ARID1B: variants seen among roughly 807,000 people sequenced by gnomAD.
ARID1B encodes the protein AT-rich interaction domain 1B, also known as AT-rich interactive domain-containing protein 1B.
In ARID1B, 30 loss-of-function variants were observed where a neutral mutation model predicts 212.3. That is an observed-to-expected ratio of 0.14 (90% CI 0.11 to 0.19). The LOEUF (loss-of-function observed/expected upper bound fraction) is 0.19. ARID1B is among the 10% of genes least tolerant of loss of function. The pLI, the probability that ARID1B is intolerant of heterozygous loss-of-function variation, is 1.00. For synonymous variants in ARID1B, 1,402 were observed against 1,301.7 expected, an observed-to-expected ratio of 1.08 and a Z score of -1.66; for missense variants, 2,891 against 3,204.0, an observed-to-expected ratio of 0.90 and a Z score of 2.36.
intron 4 of ARID1B, among the ~76,000 whole-genome samples, chr6:157,082,472 A>G (rs1784700276): frequency 6.6e-6 from 1 of 152,214 alleles, no homozygotes; most frequent in Non-Finnish European, 1.5e-5. Context: ...ATTTCTGCTA[A>G]TCATAAGGAT....
chr6:156,935,674 T>TG, intron 4 of ARID1B, 98 bp downstream of exon 4: 1 of 1,128,726 alleles, frequency 8.9e-7, no homozygotes, highest in Non-Finnish European at 1.3e-6. Context: ...ATGACATGAT[T>TG]GAGAAGTTTC....
At chr6:156,784,451 T>G (rs1270773936) in intron 1 of ARID1B, among the ~76,000 whole-genome samples, 1 of 152,248 alleles carries the variant, frequency 6.6e-6, no homozygotes, top group Non-Finnish European at 1.5e-5. Flanking sequence ...TTGAGTGAAT[T>G]AATTCTGATC....
At chr6:156,785,290 G>A (rs1779557609) in intron 1 of ARID1B, among the ~76,000 whole-genome samples, 1 of 152,176 alleles carries the variant, frequency 6.6e-6, no homozygotes, top group African/African-American at 2.4e-5. Context: ...TCAGGTAGAT[G>A]GCAGCAGAAT....
At chr6:156,982,699 A>T (rs1777678808) in intron 4 of ARID1B, among the ~76,000 whole-genome samples, 1 of 151,574 alleles carries the variant, frequency 6.6e-6, no homozygotes. Context: ...TTCTCTTTAT[A>T]TTTTTTAATT....
chr6:157,002,626 A>G (rs1778973505), intron 4 of ARID1B, among the ~76,000 whole-genome samples: 1 of 152,234 alleles, frequency 6.6e-6, no homozygotes, highest in Non-Finnish European at 1.5e-5. Flanking sequence ...ACATTAAAAT[A>G]ATTTCTTAGA....
At chr6:157,166,982 C>A (rs910759881) in intron 8 of ARID1B, 58 bp from the exon 9 acceptor site, 1 of 1,580,938 alleles carries the variant, frequency 6.3e-7, no homozygotes, top group South Asian at 1.1e-5. Context: ...ACTGCCAGGG[C>A]AAACCACTGC....
chr6:157,155,595 C>G (rs1177593298), intron 8 of ARID1B, among the ~76,000 whole-genome samples: 2 of 152,118 alleles, frequency 1.3e-5, no homozygotes, highest in Non-Finnish European at 2.9e-5. Context: ...CATTTTAATA[C>G]TACATCATAC....
intron 4 of ARID1B, among the ~76,000 whole-genome samples, chr6:156,954,516 G>T (rs1352247488): frequency 6.6e-6 from 1 of 152,082 alleles, no homozygotes; most frequent in African/African-American, 2.4e-5. Context: ...GTATATACAA[G>T]TCCCTGTCTA....
At chr6:156,808,345 T>G (rs561978087) in intron 1 of ARID1B, among the ~76,000 whole-genome samples, 54 of 152,232 alleles carry the variant, frequency 3.5e-4, no homozygotes, top group Admixed American at 2.6e-3. Flanking sequence ...TTTTTTGGTA[T>G]GGTACTCAAT....
Position 157,157,108 on chromosome 6 carries a change from G to A in ARID1B, c.3089+8157G>A, listed in dbSNP as rs1219078033. ...CACACCTAGCCTGCCCTCTTCATTC[G>A]GATATTCCCCTCTCCGGGTCTGGGT... On this transcript the variant is annotated intron_variant, in intron 8 of 19. Transcript: ENST00000636930. 5.9e-5 allele frequency among the ~76,000 whole-genome samples: 9 copies of A among 152,018 alleles called. No homozygotes were observed. The South Asian group carries it at 1.0e-3, about 18-fold the overall frequency.
chr6:156,878,309 T>C (rs1786737417), intron 2 of ARID1B, among the ~76,000 whole-genome samples: 1 of 152,044 alleles, frequency 6.6e-6, no homozygotes, highest in African/African-American at 2.4e-5. Context: ...TGACAGGCTG[T>C]TGGGAAGCTC....
intron 1 of ARID1B, among the ~76,000 whole-genome samples, chr6:156,781,903 A>G (rs1372261824): frequency 6.7e-6 from 1 of 150,308 alleles, no homozygotes; most frequent in Non-Finnish European, 1.5e-5. Flanking sequence ...TAATGGTACC[A>G]ATCATTTTCA....
At chr6:157,138,160 G>T (rs1451990861) in intron 7 of ARID1B, among the ~76,000 whole-genome samples, 1 of 152,092 alleles carries the variant, frequency 6.6e-6, no homozygotes, top group Non-Finnish European at 1.5e-5. Context: ...CTGAGACCCA[G>T]GATTTCAGTC....
chr6:156,970,512 A>G (rs116436546), intron 4 of ARID1B, among the ~76,000 whole-genome samples: 38 of 152,364 alleles, frequency 2.5e-4, no homozygotes, highest in Middle Eastern at 3.4e-3. Flanking sequence ...AACCAAGATT[A>G]CTGAGTCTGC....
At chr6:157,032,614 A>G (rs551493944) in intron 4 of ARID1B, among the ~76,000 whole-genome samples, 21 of 152,306 alleles carry the variant, frequency 1.4e-4, no homozygotes, top group African/African-American at 5.1e-4. Context: ...AATTTTTGCT[A>G]CCTTGAAAGA....
At chr6:157,138,864 C>T (rs957168231) in intron 7 of ARID1B, among the ~76,000 whole-genome samples, 5 of 152,146 alleles carry the variant, frequency 3.3e-5, no homozygotes, top group Non-Finnish European at 2.9e-5. Context: ...AGGAAATATA[C>T]TAAATCTGTT....
intron 3 of ARID1B, among the ~76,000 whole-genome samples, chr6:156,918,824 T>A (rs1318761859): frequency 6.6e-6 from 1 of 152,184 alleles, no homozygotes; most frequent in Non-Finnish European, 1.5e-5. Flanking sequence ...GCGCTCGCTC[T>A]GGCAGGATGA....
chr6:156,861,637 A>G (rs1430082537), intron 2 of ARID1B, among the ~76,000 whole-genome samples: 1 of 152,078 alleles, frequency 6.6e-6, no homozygotes, highest in Non-Finnish European at 1.5e-5. Context: ...AAAAATTAAT[A>G]AATAAATAAG....
In ARID1B at chr6:157,167,312, C is replaced by G. The variant is rs541573244; in HGVS notation, c.3235+127C>G. ...GTTGGCGAAAGTGGGAATCATACTACTTTTCTGCTTCTCAGAAACTTGCTC... is the reference window on the plus strand; with the variant it reads ...GTTGGCGAAAGTGGGAATCATACTAGTTTTCTGCTTCTCAGAAACTTGCTC... On this transcript the variant is annotated intron_variant, in intron 9 of 19. Transcript: ENST00000636930. 1.1e-5 allele frequency: 13 copies of G among 1,170,082 alleles called. 2 individuals carry two copies. The South Asian group carries it at 2.1e-4, about 19-fold the overall frequency. 72.5% of individuals were successfully genotyped at this position (1,170,082 alleles called of 1,614,324 possible). A position where few individuals can be genotyped will look rare whatever the true frequency, so the allele number is the denominator to read the frequency against.
Sources: gnomAD v4.1 joint callset for allele counts (sites outside exome capture counted in the v4.1 genomes callset) on GRCh38, gnomAD v4.1.1 for gene constraint, MANE v1.5 for transcripts, NCBI Gene and HGNC (gene_info 2026-07-23, HGNC 2026-07-21) for gene names.